The following CSMD2 variants were observed in gnomAD, a reference collection of about 807,000 sequenced individuals.
CSMD2 encodes the protein CUB and Sushi multiple domains 2, also known as CUB and sushi domain-containing protein 2.
In CSMD2, 130 loss-of-function variants were observed where a neutral mutation model predicts 398.5. The observed-to-expected ratio is 0.33, with a 90% CI of 0.28 to 0.38. CSMD2 has a LOEUF of 0.38. Ranked by LOEUF, CSMD2 falls within the 10% of genes least tolerant of loss-of-function variation. The probability of loss-of-function intolerance (pLI) is 1.00; values close to 1 mark genes in which losing one functional copy is unlikely to be tolerated. For missense variants in CSMD2, 3,829 were observed against 4,764.9 expected (o/e 0.80, Z 5.78); for synonymous variants, 1,828 against 1,908.5 (o/e 0.96, Z 1.10).
At chr1:34,124,830 A>G (rs1486078377) in intron 1 of CSMD2, among the ~76,000 whole-genome samples, 1 of 152,144 alleles carries the variant, frequency 6.6e-6, no homozygotes, top group South Asian at 2.1e-4. Flanking sequence ...TTTTTTTGTA[A>G]AGATGGAAAA....
At chr1:33,662,440 A>G (rs1186355695) in intron 26 of CSMD2, among the ~76,000 whole-genome samples, 4 of 152,120 alleles carry the variant, frequency 2.6e-5, no homozygotes, top group Admixed American at 2.6e-4. Context: ...CTTTGCACCT[A>G]GGATGCCCTT....
At chr1:33,844,355 T>C (rs1376574244) in intron 6 of CSMD2, among the ~76,000 whole-genome samples, 1 of 152,172 alleles carries the variant, frequency 6.6e-6, no homozygotes, top group Non-Finnish European at 1.5e-5. Flanking sequence ...TAGCATCTAA[T>C]GGGCAGAGGC....
intron 6 of CSMD2, chr1:33,839,524 GA>G (rs1372468590): frequency 1.2e-5 from 2 of 161,098 alleles, no homozygotes. Context: ...TTCTTGGAAG[GA>G]AAAGGTGACA....
chr1:33,699,066 T>C (rs1645520031), intron 23 of CSMD2, 122 bp from the exon 24 acceptor site: 3 of 714,914 alleles, frequency 4.2e-6, no homozygotes, highest in Non-Finnish European at 6.8e-6. Flanking sequence ...TGGGTTCTGA[T>C]GGATTCACCA....
intron 31 of CSMD2, among the ~76,000 whole-genome samples, chr1:33,634,185 T>C (rs770782022): frequency 6.6e-6 from 1 of 152,134 alleles, no homozygotes; most frequent in Admixed American, 6.5e-5. Context: ...GTCCTGGTTC[T>C]GGGGCAGGAG....
At chr1:33,575,151 T>C (rs1450082148) in intron 49 of CSMD2, among the ~76,000 whole-genome samples, 1 of 152,034 alleles carries the variant, frequency 6.6e-6, no homozygotes, top group African/African-American at 2.4e-5. Flanking sequence ...GGGGATACAA[T>C]CACAAAGTAT....
At chr1:33,545,231 G>C (rs1304838135) in intron 57 of CSMD2, among the ~76,000 whole-genome samples, 1 of 152,162 alleles carries the variant, frequency 6.6e-6, no homozygotes, top group African/African-American at 2.4e-5. Flanking sequence ...GAAAGAGAGA[G>C]ACAGAGAGAT....
rs207460072 is a variant in CSMD2, at chr1:33,533,255, G to T, written c.9992-26C>A. On this transcript the variant is annotated intron_variant, in intron 63 of 70. Coordinates refer to ENST00000373381, the MANE Select transcript of CSMD2 (RefSeq NM_001281956.2). This position sits in a 1 kb window ranked among gnomAD's most constrained non-coding sequence, Gnocchi z 4.2. ...CTGGATGAGAGGAAAGACCCTGTTGGACTGGAGGAGATTAGGGGCTTCAGG... is the reference window on the plus strand; with the variant it reads ...CTGGATGAGAGGAAAGACCCTGTTGTACTGGAGGAGATTAGGGGCTTCAGG... The T allele has an allele frequency of 1.2e-6, 2 of 1,609,700 alleles. No individual in the cohort carries two copies. Among genetic ancestry groups the T allele is most frequent in the African/African-American group, 2.7e-5 (2 of 74,854 alleles).
chr1:34,111,146 A>G (rs898131794), intron 1 of CSMD2, among the ~76,000 whole-genome samples: 7 of 152,256 alleles, frequency 4.6e-5, no homozygotes, highest in Non-Finnish European at 7.3e-5. Context: ...TGCCTAGAAC[A>G]GTAACTGGCA....
At chr1:34,086,538 C>T (rs1412037170) in intron 2 of CSMD2, among the ~76,000 whole-genome samples, 1 of 152,188 alleles carries the variant, frequency 6.6e-6, no homozygotes, top group Non-Finnish European at 1.5e-5. Flanking sequence ...TTTCCATAAT[C>T]ATTAAGGCCA....
chr1:33,805,720 C>G (rs1005932028), intron 10 of CSMD2, among the ~76,000 whole-genome samples: 1 of 152,014 alleles, frequency 6.6e-6, no homozygotes, highest in African/African-American at 2.4e-5. Context: ...AAAGAGCACT[C>G]TCTTCGTGTG....
rs1405781554 is a variant in CSMD2 at position 33,624,991 on chromosome 1, A to C, written c.5500+60T>G. ...ATCACTGGGGCTGACTGCCTCCCCT[A>C]CAGAGAAAGGACTACGTGCCGCCCC... On this transcript the variant is annotated intron_variant, in intron 34 of 70. Coordinates refer to ENST00000373381, the MANE Select transcript of CSMD2 (RefSeq NM_001281956.2). This position sits in a 1 kb window ranked among gnomAD's most constrained non-coding sequence, Gnocchi z 4.7. 5.2e-6 allele frequency: 8 copies of C among 1,535,748 alleles called. No individual in the cohort carries two copies. The highest frequency in any genetic ancestry group is 7.2e-6 in the Non-Finnish European group (8 of 1,111,594).
chr1:34,088,821 C>A (rs1392279312), intron 2 of CSMD2, among the ~76,000 whole-genome samples, 156 bp downstream of exon 2: 1 of 152,172 alleles, frequency 6.6e-6, no homozygotes, highest in Non-Finnish European at 1.5e-5. Context: ...AAGCAAGAGA[C>A]ATGAATTGGA....
chr1:33,981,850 C>G (rs1646180353), intron 3 of CSMD2, among the ~76,000 whole-genome samples: 1 of 152,134 alleles, frequency 6.6e-6, no homozygotes, highest in Admixed American at 6.5e-5. Flanking sequence ...TGGGATGGGG[C>G]TGCAGGATAA....
At chr1:33,960,912 G>A (rs986283087) in intron 3 of CSMD2, among the ~76,000 whole-genome samples, 2 of 152,204 alleles carry the variant, frequency 1.3e-5, no homozygotes, top group African/African-American at 2.4e-5. Context: ...CATGGCAGGT[G>A]GGGTCTGAAG....
At position 33,724,177 on chromosome 1, in the gene CSMD2, C is replaced by G; in HGVS notation, c.3001+20G>C. On this transcript the variant is annotated intron_variant, in intron 19 of 70. Transcript: ENST00000373381. ...TGACCTCGTCACATCCCAATGCCTG[C>G]TATGGGCTGAAACACTCACCCTTGC... 1.3e-6 allele frequency: 2 copies of G among 1,566,840 alleles called. No individual in the cohort carries two copies.
chr1:33,994,963 C>T (rs755539006), intron 3 of CSMD2, among the ~76,000 whole-genome samples: 1 of 151,728 alleles, frequency 6.6e-6, no homozygotes, highest in Non-Finnish European at 1.5e-5. Context: ...ACTCAGGAGA[C>T]TGAGGCAGAA....
intron 3 of CSMD2, among the ~76,000 whole-genome samples, chr1:34,022,236 C>G (rs1204476593): frequency 6.6e-6 from 1 of 152,180 alleles, no homozygotes; most frequent in Admixed American, 6.5e-5. Flanking sequence ...AGTGTTTATT[C>G]TATGCCAGGC....
intron 24 of CSMD2, among the ~76,000 whole-genome samples, chr1:33,693,595 T>C (rs1028241517): frequency 6.6e-6 from 1 of 152,204 alleles, no homozygotes; most frequent in Non-Finnish European, 1.5e-5. Flanking sequence ...CTTAGGCATA[T>C]ACCCAAGATA....
Sources: gnomAD v4.1 joint callset for allele counts (sites outside exome capture counted in the v4.1 genomes callset) on GRCh38, gnomAD v4.1.1 for gene constraint, Gnocchi (gnomAD v3.1) non-coding constraint, MANE v1.5 for transcripts, NCBI Gene and HGNC (gene_info 2026-07-23, HGNC 2026-07-21) for gene names.